The following JARID2 variants were observed in gnomAD, a reference collection of about 807,000 sequenced individuals.
JARID2 encodes jumonji and AT-rich interaction domain containing 2.
JARID2 carries 21 observed loss-of-function variants against 125.6 expected under a neutral mutation model. That is an observed-to-expected ratio of 0.17 (90% CI 0.12 to 0.24). The LOEUF is 0.24. Among genes scored for constraint, JARID2 ranks in the 10% least tolerant of loss-of-function variants. JARID2 has a pLI of 1.00. For synonymous variants in JARID2, 736 were observed against 661.6 expected (o/e 1.11, Z -1.73); for missense variants, 1,303 against 1,639.6 (o/e 0.79, Z 3.55).
At chr6:15,413,018 T>TTTTG (rs1765965722) in intron 3 of JARID2, among the ~76,000 whole-genome samples, 3 of 91,142 alleles carry the variant, frequency 3.3e-5, no homozygotes, top group African/African-American at 4.2e-5. Flanking sequence ...GTTTTTTTTT[T>TTTTG]TTTTGTTTTT....
intron 2 of JARID2, among the ~76,000 whole-genome samples, chr6:15,393,408 A>G (rs935273972): frequency 1.6e-4 from 24 of 152,222 alleles, no homozygotes; most frequent in African/African-American, 5.8e-4. Context: ...TAATGTTGGT[A>G]GCTCCATCTC....
intron 1 of JARID2, among the ~76,000 whole-genome samples, chr6:15,341,197 T>C (rs1213538709): frequency 1.3e-5 from 2 of 152,344 alleles, no homozygotes; most frequent in Non-Finnish European, 2.9e-5. Flanking sequence ...GTATAAAAAA[T>C]TCATGCAGAA....
chr6:15,413,067 TGCA>T (rs1163652147), intron 3 of JARID2, among the ~76,000 whole-genome samples: 3 of 134,594 alleles, frequency 2.2e-5, no homozygotes, highest in Non-Finnish European at 4.6e-5. Context: ...TTGCCCAGGC[TGCA>T]GTGCAATGGT....
chr6:15,496,421 C>A lies in JARID2; in HGVS notation c.1196C>A (p.Ser399Tyr). The change falls in exon 7 of 18, where the codon TCC becomes TAC. Residue 399 changes from serine (S) to tyrosine (Y), a missense_variant. Physicochemically the swap from Ser to Tyr is moderately radical, Grantham distance 144. This residue lies in a region of JARID2 where 651 missense variants were observed against 581.6 expected (regional missense o/e 1.12). Transcript: ENST00000341776. Reference protein sequence around the residue: ...QVLSLGGASKSTGPAVNGLKV... With the variant: ...QVLSLGGASKYTGPAVNGLKV... Reference sequence around the variant, plus strand: ...CTATCCCTCGGGGGGGCGTCCAAGTCCACTGGGCCCGCCGTCAATGGCCTC... The same window carrying A: ...CTATCCCTCGGGGGGGCGTCCAAGTACACTGGGCCCGCCGTCAATGGCCTC... 6.2e-7 allele frequency: 1 copy of A among 1,613,772 alleles called. No homozygotes were observed. The highest frequency in any genetic ancestry group is 8.5e-7 in the Non-Finnish European group (1 of 1,179,904).
chr6:15,413,036 T>TTTTTA (rs1765970657), intron 3 of JARID2, among the ~76,000 whole-genome samples: 1 of 130,278 alleles, frequency 7.7e-6, no homozygotes, highest in Non-Finnish European at 1.6e-5. Flanking sequence ...TTTTTTTTTT[T>TTTTTA]GAGACTGAGT....
chr6:15,317,601 G>A (rs1402960936), intron 1 of JARID2, among the ~76,000 whole-genome samples: 4 of 151,778 alleles, frequency 2.6e-5, no homozygotes, highest in Admixed American at 1.3e-4. Flanking sequence ...TGCTTGCCGT[G>A]TAACTGATGG....
intron 2 of JARID2, among the ~76,000 whole-genome samples, chr6:15,405,111 A>T (rs568074025): frequency 1.3e-5 from 2 of 152,156 alleles, no homozygotes; most frequent in Non-Finnish European, 2.9e-5. Context: ...TTTGTGTTTC[A>T]ATTTTCCCAA....
At chr6:15,483,843 T>A (rs1404581424) in intron 5 of JARID2, among the ~76,000 whole-genome samples, 1 of 152,178 alleles carries the variant, frequency 6.6e-6, no homozygotes, top group Non-Finnish European at 1.5e-5. Context: ...GGAGAAACCA[T>A]TTTGCATTTC....
At chr6:15,341,347 T>C (rs1275281297) in intron 1 of JARID2, among the ~76,000 whole-genome samples, 5 of 152,250 alleles carry the variant, frequency 3.3e-5, no homozygotes, top group African/African-American at 1.2e-4. Context: ...TGTATACTTA[T>C]GATTTTACTT....
At chr6:15,516,967 T>C (rs542258063) in intron 16 of JARID2, among the ~76,000 whole-genome samples, 194 bp from the exon 17 acceptor site, 1 of 152,296 alleles carries the variant, frequency 6.6e-6, no homozygotes, top group Non-Finnish European at 1.5e-5. Context: ...TCCAGGTGTT[T>C]GGTCAGTTTT....
At chr6:15,322,313 T>TG (rs1356120250) in intron 1 of JARID2, among the ~76,000 whole-genome samples, 1 of 152,200 alleles carries the variant, frequency 6.6e-6, no homozygotes, top group Non-Finnish European at 1.5e-5. Context: ...AGAGGGCACT[T>TG]GCCAGGCATG....
chr6:15,375,117 A>G (rs1183874037), intron 2 of JARID2, among the ~76,000 whole-genome samples: 1 of 152,164 alleles, frequency 6.6e-6, no homozygotes, highest in East Asian at 1.9e-4. Context: ...CAGGTTCACC[A>G]TGGCTTCCAA....
rs1554121973 is a variant in JARID2, at chr6:15,306,334, T to TTC, written c.45+59751_45+59752insCT. On this transcript the variant is annotated intron_variant, in intron 1 of 17. Transcript: ENST00000341776. Reference sequence around the variant, plus strand: ...TAACAACATAGTCATATTTCTTTTTTTTTTTTTTTTTTTTTTTGAGACGGA... The same window carrying TTC: ...TAACAACATAGTCATATTTCTTTTTTTCTTTTTTTTTTTTTTTTTGAGACGGA... Among the ~76,000 whole-genome samples, 420 of 133,380 alleles carry TTC rather than the reference T, an allele frequency of 3.1e-3. 3 individuals carry two copies. The highest frequency in any genetic ancestry group is 0.011 in the African/African-American group (405 of 37,806). The allele number at this position is 133,380 out of a possible 152,430, so 87.5% of individuals were successfully genotyped here.
chr6:15,416,716 G>A (rs572761549), intron 3 of JARID2, among the ~76,000 whole-genome samples: 1 of 145,928 alleles, frequency 6.9e-6, no homozygotes, highest in Non-Finnish European at 1.5e-5. Flanking sequence ...AGAGGGAGAG[G>A]GAGAGGGGGG....
intron 5 of JARID2, among the ~76,000 whole-genome samples, chr6:15,478,613 T>C (rs1769465443): frequency 1.3e-5 from 2 of 152,136 alleles, no homozygotes; most frequent in African/African-American, 4.8e-5. Context: ...GCCAGAACTC[T>C]TATCACTGAC....
chr6:15,479,235 A>G (rs1769496826), intron 5 of JARID2, among the ~76,000 whole-genome samples: 1 of 152,228 alleles, frequency 6.6e-6, no homozygotes, highest in South Asian at 2.1e-4. Flanking sequence ...CAGGTCTGCC[A>G]TCCTTTCCTC....
At chr6:15,326,332 A>G (rs1235098058) in intron 1 of JARID2, among the ~76,000 whole-genome samples, 1 of 152,050 alleles carries the variant, frequency 6.6e-6, no homozygotes, top group East Asian at 1.9e-4. Flanking sequence ...CAGCCTTCTC[A>G]CTAGCTAGGA....
chr6:15,494,491 C>T (rs1770312016), intron 6 of JARID2, among the ~76,000 whole-genome samples: 1 of 139,450 alleles, frequency 7.2e-6, no homozygotes, highest in South Asian at 2.4e-4. Context: ...TCACTGCAAA[C>T]TCCACCTCCT....
intron 1 of JARID2, among the ~76,000 whole-genome samples, chr6:15,278,059 C>A (rs1332561121): frequency 6.6e-6 from 1 of 151,156 alleles, no homozygotes; most frequent in Non-Finnish European, 1.5e-5. Context: ...ATCAGCCTGG[C>A]CAACATGGTG....
Sources: gnomAD v4.1 joint callset for allele counts (sites outside exome capture counted in the v4.1 genomes callset) on GRCh38, gnomAD v4.1.1 for gene constraint, gnomAD v4.1.1 regional missense constraint, MANE v1.5 for transcripts, NCBI Gene and HGNC (gene_info 2026-07-23, HGNC 2026-07-21) for gene names.